Variants in DEFA5 observed in about 807,000 individuals in gnomAD.
The protein encoded by DEFA5 is defensin alpha 5, also known as HD5(20-94).
In DEFA5, 11 loss-of-function variants were observed where a neutral mutation model predicts 8.7. That is an observed-to-expected ratio of 1.26 (90% CI 0.80 to 2.09). The LOEUF (loss-of-function observed/expected upper bound fraction) is 2.09. Ranked by LOEUF, DEFA5 falls within the 30% of genes most tolerant of loss-of-function variation. DEFA5 has a pLI of 0.00. For missense variants in DEFA5, 181 were observed against 117.2 expected (o/e 1.54, Z -2.52); for synonymous variants, 52 against 43.9 (o/e 1.18, Z -0.73).
chr8:7,056,672 G>A lies in DEFA5; in HGVS notation c.26C>T (p.Ala9Val). 1.2e-6 allele frequency: 2 copies of A among 1,613,300 alleles called. No individual in the cohort carries two copies. Among genetic ancestry groups the A allele is most frequent in the East Asian group, 2.2e-5 (1 of 44,876 alleles). ...GGCCTGCAGGGCCACCAGGAGAATG[G>A]CAGCAAGGATGGCGATGGTCCTCAT... Reference protein sequence around the residue: MRTIAILAAILLVALQAQA... With the variant: MRTIAILAVILLVALQAQA... Residue 9 changes from alanine (A) to valine (V), a missense_variant, in exon 1 of 2, where the codon GCC becomes GTC. Transcript: ENST00000330590.
In DEFA5 at chr8:7,055,354, T is replaced by A. The variant is rs1350414315; in HGVS notation, c.*77A>T. On this transcript the variant is annotated 3_prime_UTR_variant, in exon 2 of 2. Coordinates refer to ENST00000330590, the MANE Select transcript of DEFA5 (RefSeq NM_021010.3). Reference sequence around the variant, plus strand: ...GAGAGAAATTTAGAAAGACACAAGGTACACAGAGTAAAATGTTTTTCTTTT... The same window carrying A: ...GAGAGAAATTTAGAAAGACACAAGGAACACAGAGTAAAATGTTTTTCTTTT... 1 of 1,047,246 alleles carries A rather than the reference T, an allele frequency of 9.5e-7. No homozygotes were observed. The highest frequency in any genetic ancestry group is 1.5e-6 in the Non-Finnish European group (1 of 689,414). The allele number at this position is 1,047,246 out of a possible 1,614,324, so 64.9% of individuals were successfully genotyped here. A position where few individuals can be genotyped will look rare whatever the true frequency, so the allele number is the denominator to read the frequency against.
At position 7,055,506 on chromosome 8, in the gene DEFA5, G is replaced by A. The variant is rs1281942737; in HGVS notation, c.210C>T (p.Gly70=). 1 of 1,613,704 alleles carries A rather than the reference G, an allele frequency of 6.2e-7. No homozygotes were observed. The highest frequency in any genetic ancestry group is 8.5e-7 in the Non-Finnish European group (1 of 1,179,840). ...AGAGGGACTCACGGGTAGCACAACG[G>A]CCGGTTCGGCAATAGCAGGTGGCTC... The part of the protein sequence containing the change: ...QARATCYCRT[G]RCATRESLSG... The change falls in exon 2 of 2, where the codon GGC becomes GGT. Residue 70 remains glycine (G), a synonymous_variant. Transcript: ENST00000330590.
At position 7,055,361 on chromosome 8, in the gene DEFA5, A is replaced by C; in HGVS notation, c.*70T>G. On this transcript the variant is annotated 3_prime_UTR_variant, in exon 2 of 2. Coordinates refer to ENST00000330590, the MANE Select transcript of DEFA5 (RefSeq NM_021010.3). ...ATTTAGAAAGACACAAGGTACACAG[A>C]GTAAAATGTTTTTCTTTTTTCAGGA... 1 of 1,118,060 alleles carries C rather than the reference A, an allele frequency of 8.9e-7. No individual in the cohort carries two copies. The highest frequency in any genetic ancestry group is 1.3e-5 in the South Asian group (1 of 75,916). 69.3% of individuals were successfully genotyped at this position (1,118,060 alleles called of 1,614,324 possible).
chr8:7,055,594 C>T (rs901053288), intron 1 of DEFA5, 51 bp from the exon 2 acceptor site: 3 of 1,226,334 alleles, frequency 2.4e-6, no homozygotes, highest in South Asian at 2.5e-5. Flanking sequence ...GGAAAAAGGA[C>T]AAGCACAGCC....
rs1390856454 is a variant in DEFA5, at chr8:7,055,480, G to C, written c.236C>G (p.Ser79Cys). ...TGRCATRESL[S>C]GVCEISGRLY... ...GCGGCCACTGATTTCACACACCCCGGAGAGGGACTCACGGGTAGCACAACG... is the reference window on the plus strand; with the variant it reads ...GCGGCCACTGATTTCACACACCCCGCAGAGGGACTCACGGGTAGCACAACG... The change falls in exon 2 of 2, where the codon TCC becomes TGC. Residue 79 changes from serine (S) to cysteine (C), a missense_variant. Coordinates refer to ENST00000330590, the MANE Select transcript of DEFA5 (RefSeq NM_021010.3). 1.2e-6 allele frequency: 2 copies of C among 1,613,756 alleles called. No individual in the cohort carries two copies. Among genetic ancestry groups the C allele is most frequent in the East Asian group, 2.2e-5 (1 of 44,882 alleles).
intron 1 of DEFA5, 36 bp downstream of exon 1, chr8:7,056,490 T>C: frequency 6.4e-7 from 1 of 1,567,454 alleles, no homozygotes; most frequent in Non-Finnish European, 8.7e-7. Flanking sequence ...CCTTTTTTTC[T>C]AGATTTTGCA....
rs144748060 is a variant in DEFA5, at chr8:7,056,692, C to G, written c.6G>C (p.Arg2Ser). M[R>S]TIAILAAILL... is the part of the protein sequence containing the mutation. ...GAATGGCAGCAAGGATGGCGATGGT[C>G]CTCATGGCTGGGGTCACCTGCAGGA... The change falls in exon 1 of 2, where the codon AGG (arginine) becomes AGC (serine). Residue 2 changes from arginine (R) to serine (S), a missense_variant. By Grantham distance (110) the Arg-to-Ser change is moderately radical. Transcript: ENST00000330590. 3.2e-4 allele frequency: 508 copies of G among 1,610,944 alleles called. 3 individuals carry two copies. The highest frequency in any genetic ancestry group is 4.7e-5 in the Non-Finnish European group (55 of 1,178,230).
At chr8:7,056,439 G>A in intron 1 of DEFA5, 87 bp downstream of exon 1, 1 of 1,374,978 alleles carries the variant, frequency 7.3e-7, no homozygotes, top group Non-Finnish European at 9.8e-7. Flanking sequence ...ACTCAAGTGA[G>A]GTAGACCTTT....
intron 1 of DEFA5, among the ~76,000 whole-genome samples, chr8:7,055,809 G>T (rs1477597618): frequency 1.3e-5 from 2 of 152,000 alleles, no homozygotes; most frequent in East Asian, 1.9e-4. Context: ...CAACCTCAGG[G>T]TTACCTACTC....
rs994916800 is a variant in DEFA5 at position 7,055,368 on chromosome 8, T to C, written c.*63A>G. The C allele has an allele frequency of 2.4e-6, 3 of 1,235,812 alleles. No individual in the cohort carries two copies. In the African/African-American group the frequency reaches 4.5e-5, roughly 18 times the overall value. The allele number at this position is 1,235,812 out of a possible 1,614,324, so 76.6% of individuals were successfully genotyped here. On this transcript the variant is annotated 3_prime_UTR_variant, in exon 2 of 2. Coordinates refer to ENST00000330590, the MANE Select transcript of DEFA5 (RefSeq NM_021010.3). ...AAGACACAAGGTACACAGAGTAAAA[T>C]GTTTTTCTTTTTTCAGGACCTTGAA...
chr8:7,055,946 C>A (rs894925614), intron 1 of DEFA5, among the ~76,000 whole-genome samples: 14 of 151,192 alleles, frequency 9.3e-5, no homozygotes, highest in Non-Finnish European at 1.5e-5. Flanking sequence ...TGTCATGGAC[C>A]AAATACTTTG....
chr8:7,055,612 C>T, intron 1 of DEFA5, 69 bp from the exon 2 acceptor site: 1 of 978,860 alleles, frequency 1.0e-6, no homozygotes, highest in East Asian at 2.6e-5. Flanking sequence ...GCCAGACTAA[C>T]TGAGATAGTC....
rs530954752 is a variant in DEFA5 at position 7,055,342 on chromosome 8, A to C, written c.*89T>G. On this transcript the variant is annotated 3_prime_UTR_variant, in exon 2 of 2. Coordinates refer to ENST00000330590, the MANE Select transcript of DEFA5 (RefSeq NM_021010.3). The stretch of plus-strand genomic sequence containing the variant: ...CTTTATTTTGGAGAGAGAAATTTAG[A>C]AAGACACAAGGTACACAGAGTAAAA... The C allele has an allele frequency of 3.3e-4, 312 of 934,478 alleles. No individual in the cohort carries two copies. Among genetic ancestry groups the C allele is most frequent in the Non-Finnish European group, 4.9e-4 (295 of 605,400 alleles). 57.9% of individuals were successfully genotyped at this position (934,478 alleles called of 1,614,324 possible). A position where few individuals can be genotyped will look rare whatever the true frequency, so the allele number is the denominator to read the frequency against.
At position 7,055,356 on chromosome 8, in the gene DEFA5, C is replaced by A. The variant is rs1488968815; in HGVS notation, c.*75G>T. ...GAGAAATTTAGAAAGACACAAGGTA[C>A]ACAGAGTAAAATGTTTTTCTTTTTT... On this transcript the variant is annotated 3_prime_UTR_variant, in exon 2 of 2. Transcript: ENST00000330590. 4 of 1,079,156 alleles carry A rather than the reference C, an allele frequency of 3.7e-6. No individual in the cohort carries two copies. The highest frequency in any genetic ancestry group is 2.0e-5 in the Admixed American group (1 of 50,476). 66.8% of individuals were successfully genotyped at this position (1,079,156 alleles called of 1,614,324 possible). A position where few individuals can be genotyped will look rare whatever the true frequency, so the allele number is the denominator to read the frequency against.
chr8:7,056,528 G>A lies in DEFA5; in HGVS notation c.170C>T (p.Ser57Leu). The stretch of plus-strand genomic sequence containing the variant: ...TGTGCAAGATTGATGTCTCCTACCT[G>A]AGGTTCTAAGAGCAGAGAGTCCATT... ...AGNGLSALRTSGSQARATCYC... is the reference protein window; with the variant it reads ...AGNGLSALRTLGSQARATCYC... The change falls in exon 1 of 2, where the codon TCA (serine) becomes TTA (leucine). Residue 57 changes from serine to leucine, a missense_variant and splice_region_variant. Coordinates refer to ENST00000330590, the MANE Select transcript of DEFA5 (RefSeq NM_021010.3). The A allele has an allele frequency of 1.2e-6, 2 of 1,607,290 alleles. No individual in the cohort carries two copies. The highest frequency in any genetic ancestry group is 1.7e-4 in the Middle Eastern group (1 of 6,046).
intron 1 of DEFA5, among the ~76,000 whole-genome samples, chr8:7,055,789 A>G (rs1812401794): frequency 6.6e-6 from 1 of 152,114 alleles, no homozygotes; most frequent in Non-Finnish European, 1.5e-5. Flanking sequence ...TGGTCCAACA[A>G]TATACCTCTC....
rs1327300221 is a variant in DEFA5, at chr8:7,055,400, C to G, written c.*31G>C. On this transcript the variant is annotated 3_prime_UTR_variant, in exon 2 of 2. Transcript: ENST00000330590. ...CTTTTTTCAGGACCTTGAACTGAATCTTGCACTGCTTTGGTTTCTATCTAG... is the reference window on the plus strand; with the variant it reads ...CTTTTTTCAGGACCTTGAACTGAATGTTGCACTGCTTTGGTTTCTATCTAG... The G allele has an allele frequency of 6.4e-7, 1 of 1,552,868 alleles. No individual in the cohort carries two copies. The highest frequency in any genetic ancestry group is 8.9e-7 in the Non-Finnish European group (1 of 1,126,608).
rs746101818 is a variant in DEFA5 at position 7,055,519 on chromosome 8, T to C, written c.197A>G (p.Tyr66Cys). ...GGTAGCACAACGGCCGGTTCGGCAA[T>C]AGCAGGTGGCTCTTGCCTGAGAACC... Reference protein sequence around the residue: ...TSGSQARATCYCRTGRCATRE... With the variant: ...TSGSQARATCCCRTGRCATRE... The change falls in exon 2 of 2, where the codon TAT becomes TGT. Residue 66 changes from tyrosine to cysteine, a missense_variant. Transcript: ENST00000330590. 4.3e-6 allele frequency: 7 copies of C among 1,612,818 alleles called. No homozygotes were observed. In the African/African-American group the frequency reaches 9.4e-5, roughly 22 times the overall value.
chr8:7,056,564 G>A lies in DEFA5; in HGVS notation c.134C>T (p.Ser45Phe), dbSNP rs369763654. The change falls in exon 1 of 2, where the codon TCC becomes TTC. Residue 45 changes from serine (S) to phenylalanine (F), a missense_variant. Ser to Phe is a radical substitution (Grantham distance 155). Transcript: ENST00000330590. Reference protein sequence around the residue: ...SGEDNQDLAISFAGNGLSALR... With the variant: ...SGEDNQDLAIFFAGNGLSALR... Reference sequence around the variant, plus strand: ...AGCAGAGAGTCCATTTCCTGCAAAGGAGATAGCAAGGTCCTGGTTGTCTTC... The same window carrying A: ...AGCAGAGAGTCCATTTCCTGCAAAGAAGATAGCAAGGTCCTGGTTGTCTTC... 6.2e-7 allele frequency: 1 copy of A among 1,613,798 alleles called. No individual in the cohort carries two copies. Among genetic ancestry groups the A allele is most frequent in the East Asian group, 2.2e-5 (1 of 44,880 alleles).
Sources: gnomAD v4.1 joint callset for allele counts (sites outside exome capture counted in the v4.1 genomes callset) on GRCh38, gnomAD v4.1.1 for gene constraint, MANE v1.5 for transcripts, NCBI Gene and HGNC (gene_info 2026-07-23, HGNC 2026-07-21) for gene names.